The following CEP41 variants were observed in gnomAD, a reference collection of about 807,000 sequenced individuals.
CEP41 encodes centrosomal protein of 41 kDa.
CEP41 carries 32 observed loss-of-function variants against 44.3 expected under a neutral mutation model. The observed-to-expected ratio is 0.72, with a 90% CI of 0.54 to 0.97. The LOEUF (loss-of-function observed/expected upper bound fraction) is 0.97. Among genes scored for constraint, CEP41 ranks in the 50% least tolerant of loss-of-function variants. The pLI is 0.00. For missense variants in CEP41, 432 were observed against 455.2 expected (o/e 0.95, Z 0.46); for synonymous variants, 151 against 168.5 (o/e 0.90, Z 0.80).
intron 3 of CEP41, among the ~76,000 whole-genome samples, chr7:130,413,415 A>G (rs1360788376): frequency 1.3e-5 from 2 of 152,120 alleles, no homozygotes; most frequent in Non-Finnish European, 2.9e-5. Flanking sequence ...TACAAATCCC[A>G]ACTAATAATA....
intron 10 of CEP41, chr7:130,399,298 G>C (rs1796770134): frequency 1.9e-6 from 1 of 518,272 alleles, no homozygotes; most frequent in Admixed American, 3.2e-5. Context: ...AACAAACCTA[G>C]TCTGTCCTCC....
At chr7:130,402,952 C>T (rs782290220) in intron 6 of CEP41, among the ~76,000 whole-genome samples, 153 bp from the exon 7 acceptor site, 3 of 152,208 alleles carry the variant, frequency 2.0e-5, no homozygotes, top group Non-Finnish European at 4.4e-5. Flanking sequence ...CTCAGTTCTG[C>T]CTCTGAATGC....
chr7:130,401,595 C>T (rs1246110708), intron 8 of CEP41, among the ~76,000 whole-genome samples: 6 of 151,966 alleles, frequency 3.9e-5, no homozygotes, highest in Non-Finnish European at 8.8e-5. Context: ...ACCCTAAGTT[C>T]TGCTATGGAA....
chr7:130,437,784 A>G (rs1798017073), intron 1 of CEP41, among the ~76,000 whole-genome samples: 1 of 134,650 alleles, frequency 7.4e-6, no homozygotes, highest in Non-Finnish European at 1.6e-5. Flanking sequence ...AAAAAAAAAA[A>G]AAAAGAAAAA....
intron 1 of CEP41, among the ~76,000 whole-genome samples, chr7:130,428,349 G>A (rs1057384797): frequency 4.0e-5 from 6 of 150,276 alleles, no homozygotes; most frequent in Admixed American, 1.3e-4. Context: ...GCTTGATCCC[G>A]GGAGGCAGAG....
chr7:130,441,282 C>G, upstream of CEP41: 2 of 408,320 alleles, frequency 4.9e-6, no homozygotes, highest in South Asian at 2.2e-5. Context: ...CTGGCGCCTG[C>G]GCAAAGCCGG....
At chr7:130,411,258 T>A in intron 4 of CEP41, 67 bp from the exon 5 acceptor site, 15 of 1,304,472 alleles carry the variant, frequency 1.1e-5, no homozygotes, top group Non-Finnish European at 1.7e-5. Flanking sequence ...TTTTGTCTTT[T>A]ACAAAAGACG....
At chr7:130,435,037 A>C (rs1186643430) in intron 1 of CEP41, among the ~76,000 whole-genome samples, 1 of 152,196 alleles carries the variant, frequency 6.6e-6, no homozygotes, top group African/African-American at 2.4e-5. Flanking sequence ...TCTGACATGG[A>C]AAGATCTCCA....
Position 130,411,196 on chromosome 7 carries a change from T to A in CEP41, c.208-5A>T, listed in dbSNP as rs11765434. ...GAGGGAAGCAACTTGGATGATCTGA[T>A]AGAAAAAAGAATGAAATGTGTGGAT... On this transcript the variant is annotated splice_polypyrimidine_tract_variant and splice_region_variant and intron_variant, in intron 4 of 10. Transcript: ENST00000223208. 4.3e-6 allele frequency: 7 copies of A among 1,611,726 alleles called. No homozygotes were observed. The African/African-American group carries it at 8.0e-5, about 18-fold the overall frequency.
intron 8 of CEP41, 78 bp downstream of exon 8, chr7:130,401,803 C>G: frequency 3.1e-6 from 3 of 955,566 alleles, no homozygotes; most frequent in Non-Finnish European, 5.1e-6. Context: ...AGCATTCTTA[C>G]CAGGAGCGTG....
chr7:130,441,084 GT>G, upstream of CEP41: 2 of 1,204,248 alleles, frequency 1.7e-6, no homozygotes, highest in Non-Finnish European at 2.4e-6. Context: ...CGATTGGCCC[GT>G]CTTCCCCGGC....
intron 2 of CEP41, among the ~76,000 whole-genome samples, chr7:130,427,144 A>G (rs1797688513): frequency 6.6e-6 from 1 of 152,222 alleles, no homozygotes; most frequent in South Asian, 2.1e-4. Context: ...CAACATCGTC[A>G]TTTACTTTTC....
chr7:130,440,814 C>A, intron 1 of CEP41, 120 bp downstream of exon 1: 9 of 814,704 alleles, frequency 1.1e-5, no homozygotes, highest in East Asian at 6.8e-5. Flanking sequence ...GACCCCTCCT[C>A]ACGCCGGCCC....
At chr7:130,439,304 G>C (rs1554426935) in intron 1 of CEP41, among the ~76,000 whole-genome samples, 1 of 152,020 alleles carries the variant, frequency 6.6e-6, no homozygotes, top group Non-Finnish European at 1.5e-5. Context: ...AAGTGTTTCT[G>C]TTATCAGGAA....
At chr7:130,420,804 A>G (rs1021873702) in intron 2 of CEP41, 3 of 641,596 alleles carry the variant, frequency 4.7e-6, no homozygotes, top group Admixed American at 6.3e-5. Context: ...TAGGAAAAAT[A>G]CACATTTGCT....
intron 5 of CEP41, among the ~76,000 whole-genome samples, chr7:130,410,237 C>A (rs1797140177): frequency 6.6e-6 from 1 of 151,892 alleles, no homozygotes; most frequent in Non-Finnish European, 1.5e-5. Flanking sequence ...CCATGTTGGA[C>A]AGGCTGGTCT....
intron 5 of CEP41, among the ~76,000 whole-genome samples, chr7:130,410,453 G>C (rs538976859): frequency 6.6e-6 from 1 of 152,302 alleles, no homozygotes; most frequent in Non-Finnish European, 1.5e-5. Flanking sequence ...AATGAAGGCA[G>C]CAAGAAGACA....
At chr7:130,399,194 T>C (rs1796766843) in intron 10 of CEP41, 155 bp from the exon 11 acceptor site, 8 of 773,814 alleles carry the variant, frequency 1.0e-5, no homozygotes, top group Non-Finnish European at 1.7e-5. Context: ...GATGGCCTAC[T>C]CCTCATCCTT....
At chr7:130,427,601 T>C (rs2117672782) in intron 2 of CEP41, among the ~76,000 whole-genome samples, 2 of 152,362 alleles carry the variant, frequency 1.3e-5, no homozygotes, top group African/African-American at 4.8e-5. Flanking sequence ...AATCCGTTAC[T>C]GCCAGTTTAA....
Sources: gnomAD v4.1 joint callset for allele counts (sites outside exome capture counted in the v4.1 genomes callset) on GRCh38, gnomAD v4.1.1 for gene constraint, MANE v1.5 for transcripts, NCBI Gene and HGNC (gene_info 2026-07-23, HGNC 2026-07-21) for gene names.